Variants in PDE4D observed in about 807,000 individuals in gnomAD.
PDE4D encodes the protein phosphodiesterase 4D.
PDE4D carries 24 observed loss-of-function variants against 87.4 expected under a neutral mutation model. That is an observed-to-expected ratio of 0.27 (90% CI 0.20 to 0.39). The LOEUF is 0.39. Ranked by LOEUF, PDE4D falls within the 10% of genes least tolerant of loss-of-function variation. PDE4D has a pLI of 1.00. For missense variants in PDE4D, 714 were observed against 1,041.0 expected (o/e 0.69, Z 4.32); for synonymous variants, 384 against 383.2 (o/e 1.00, Z -0.02).
intron 1 of PDE4D, among the ~76,000 whole-genome samples, chr5:60,452,163 G>C (rs1221831502): frequency 6.6e-6 from 1 of 152,036 alleles, no homozygotes; most frequent in Non-Finnish European, 1.5e-5. Flanking sequence ...CTATAGGCAA[G>C]AATACACAGC....
chr5:60,468,136 T>TTTTTTTTTTG (rs1747515599), intron 1 of PDE4D, among the ~76,000 whole-genome samples: 2 of 125,264 alleles, frequency 1.6e-5, no homozygotes, highest in African/African-American at 7.3e-5. Flanking sequence ...CTTTCTTTTT[T>TTTTTTTTTTG]CTTTTTTTTT....
At chr5:59,811,304 C>G (rs1440742880) in intron 1 of PDE4D, among the ~76,000 whole-genome samples, 1 of 152,174 alleles carries the variant, frequency 6.6e-6, no homozygotes, top group Non-Finnish European at 1.5e-5. Flanking sequence ...TCCACTCTAC[C>G]TCATTATCCA....
At chr5:60,379,632 T>C (rs1337576079) in intron 1 of PDE4D, among the ~76,000 whole-genome samples, 4 of 152,188 alleles carry the variant, frequency 2.6e-5, no homozygotes, top group Non-Finnish European at 5.9e-5. Flanking sequence ...ATAATGTCCA[T>C]GCATATGATC....
chr5:59,586,558 A>C (rs1365322588), intron 1 of PDE4D: 2 of 1,390,826 alleles, frequency 1.4e-6, no homozygotes, highest in Non-Finnish European at 9.3e-7. Flanking sequence ...GCAATTACAA[A>C]AGGCCTTCCA....
At chr5:60,236,637 A>G (rs1583171677) in intron 1 of PDE4D, among the ~76,000 whole-genome samples, 1 of 152,058 alleles carries the variant, frequency 6.6e-6, no homozygotes, top group Middle Eastern at 3.4e-3. Context: ...ACCTTAAAAT[A>G]CAGCCATTAT....
At chr5:60,424,649 C>T (rs37695) in intron 1 of PDE4D, among the ~76,000 whole-genome samples, 62,863 of 151,990 alleles carry the variant, frequency 0.41, 14,197 homozygotes, top group South Asian at 0.59. Context: ...CTCTCACCAC[C>T]CCTATGCAAC....
rs571920190 is a variant in PDE4D at position 60,108,592 on chromosome 5, C to T, written c.42+76965G>A. 2.0e-5 allele frequency among the ~76,000 whole-genome samples: 3 copies of T among 152,262 alleles called. No homozygotes were observed. The South Asian group carries it at 6.2e-4, about 32-fold the overall frequency. On this transcript the variant is annotated intron_variant, in intron 2 of 16. Transcript: ENST00000502484. Reference sequence around the variant, plus strand: ...AAAGAACAAAGCTGGAGGCATCACGCTACCTGACTTCAAACTATACTACAA... The same window carrying T: ...AAAGAACAAAGCTGGAGGCATCACGTTACCTGACTTCAAACTATACTACAA...
chr5:60,103,854 A>C (rs1421905722), intron 2 of PDE4D, among the ~76,000 whole-genome samples: 1 of 152,130 alleles, frequency 6.6e-6, no homozygotes, highest in Non-Finnish European at 1.5e-5. Context: ...AAAAATTAAA[A>C]ACCTGAAAAA....
chr5:60,273,447 C>T (rs1751025154), intron 1 of PDE4D, among the ~76,000 whole-genome samples: 1 of 152,142 alleles, frequency 6.6e-6, no homozygotes, highest in African/African-American at 2.4e-5. Context: ...ATAATAAGGA[C>T]TCTCAATTCT....
chr5:60,448,875 G>C (rs557430794), intron 1 of PDE4D, among the ~76,000 whole-genome samples: 2 of 152,168 alleles, frequency 1.3e-5, no homozygotes, highest in African/African-American at 4.8e-5. Flanking sequence ...AAAGGTATCT[G>C]ATATTTATTT....
chr5:60,185,491 A>G, intron 2 of PDE4D: 1 of 1,130,240 alleles, frequency 8.8e-7, no homozygotes, highest in Non-Finnish European at 1.3e-6. Flanking sequence ...ATTAAAATCC[A>G]AAACCAAAAC....
At chr5:60,212,372 T>C (rs1743327825) in intron 1 of PDE4D, among the ~76,000 whole-genome samples, 1 of 152,164 alleles carries the variant, frequency 6.6e-6, no homozygotes. Flanking sequence ...AGGATGGGCA[T>C]GTAACCCAGA....
chr5:60,384,829 T>G (rs994361163), intron 1 of PDE4D, among the ~76,000 whole-genome samples: 1 of 152,182 alleles, frequency 6.6e-6, no homozygotes, highest in African/African-American at 2.4e-5. Context: ...ATGCCTACAC[T>G]GTCCATGGAA....
intron 1 of PDE4D, among the ~76,000 whole-genome samples, chr5:59,609,535 C>G (rs1271459181): frequency 6.6e-6 from 1 of 152,126 alleles, no homozygotes; most frequent in African/African-American, 2.4e-5. Flanking sequence ...AGTGCCCTGT[C>G]TTCTGCCACA....
chr5:59,971,200 A>C (rs1581972967), intron 3 of PDE4D, among the ~76,000 whole-genome samples: 1 of 99,678 alleles, frequency 1.0e-5, no homozygotes, highest in African/African-American at 3.9e-5. Flanking sequence ...CACTCTGGGG[A>C]CTGTTGTGGG....
At chr5:59,090,813 T>C (rs1247949211) in intron 5 of PDE4D, among the ~76,000 whole-genome samples, 24 of 147,710 alleles carry the variant, frequency 1.6e-4, no homozygotes, top group Admixed American at 9.4e-4. Context: ...TTTTCTTTTT[T>C]TTTTTTTTTT....
At chr5:59,237,281 C>G (rs1026945571) in intron 1 of PDE4D, among the ~76,000 whole-genome samples, 1 of 152,160 alleles carries the variant, frequency 6.6e-6, no homozygotes. Context: ...TCAACTACCC[C>G]TTCCCAGCTA....
chr5:59,393,200 C>A (rs1788590401), intron 1 of PDE4D, among the ~76,000 whole-genome samples: 1 of 152,024 alleles, frequency 6.6e-6, no homozygotes, highest in African/African-American at 2.4e-5. Context: ...TGAACCCAAG[C>A]AGAGTTTGAA....
At chr5:60,140,924 T>G (rs1022818199) in intron 2 of PDE4D, among the ~76,000 whole-genome samples, 1 of 152,148 alleles carries the variant, frequency 6.6e-6, no homozygotes, top group Non-Finnish European at 1.5e-5. Context: ...TATTAAACCT[T>G]TATTAAAAGG....
Sources: gnomAD v4.1 joint callset for allele counts (sites outside exome capture counted in the v4.1 genomes callset) on GRCh38, gnomAD v4.1.1 for gene constraint, MANE v1.5 for transcripts, NCBI Gene and HGNC (gene_info 2026-07-23, HGNC 2026-07-21) for gene names.